Variants in TENM2 observed in about 807,000 individuals in gnomAD.
TENM2 encodes the protein teneurin-2.
A neutral mutation model predicts 245.2 loss-of-function variants in TENM2; 52 were observed. That is an observed-to-expected ratio of 0.21 (90% CI 0.17 to 0.27). The LOEUF (loss-of-function observed/expected upper bound fraction) is 0.27. TENM2 is among the 10% of genes least tolerant of loss of function. The pLI is 1.00. For missense variants in TENM2, 3,046 were observed against 3,666.8 expected (o/e 0.83, Z 4.37); for synonymous variants, 1,363 against 1,438.9 (o/e 0.95, Z 1.19).
chr5:167,649,160 C>T (rs1257871022), intron 2 of TENM2, among the ~76,000 whole-genome samples: 3 of 152,172 alleles, frequency 2.0e-5, no homozygotes, highest in Non-Finnish European at 4.4e-5. Context: ...ATTAATGCTA[C>T]CATGAACTTT....
intron 23 of TENM2, among the ~76,000 whole-genome samples, chr5:168,224,494 C>T (rs1581682297): frequency 6.6e-6 from 1 of 152,362 alleles, no homozygotes; most frequent in East Asian, 1.9e-4. Flanking sequence ...GCCAGGTCTG[C>T]AATTCTTTAT....
intron 14 of TENM2, among the ~76,000 whole-genome samples, chr5:168,192,986 A>G (rs1232218401): frequency 1.3e-5 from 2 of 152,098 alleles, no homozygotes; most frequent in East Asian, 1.9e-4. Flanking sequence ...CTCCTCATCA[A>G]TGGTTACCAC....
the TENM2 span, among the ~76,000 whole-genome samples, chr5:167,250,433 A>G: frequency 3.9e-5 from 6 of 152,176 alleles, no homozygotes; most frequent in African/African-American, 1.4e-4. Context: ...TTTTGAATCT[A>G]TTGGGTAAAA....
At chr5:167,271,612 G>T in the TENM2 span, among the ~76,000 whole-genome samples, 1 of 152,060 alleles carries the variant, frequency 6.6e-6, no homozygotes, top group Non-Finnish European at 1.5e-5. Flanking sequence ...GGCTTTTGTT[G>T]ATTTGGACTG....
At chr5:167,124,330 C>T in the TENM2 span, among the ~76,000 whole-genome samples, 1 of 152,222 alleles carries the variant, frequency 6.6e-6, no homozygotes, top group Admixed American at 6.5e-5. Flanking sequence ...AACTGTGACT[C>T]CCACAGCAAT....
chr5:168,162,510 C>T (rs1757834299), intron 12 of TENM2, 101 bp from the exon 15 acceptor site: 3 of 1,325,606 alleles, frequency 2.3e-6, no homozygotes, highest in Non-Finnish European at 3.1e-6. Flanking sequence ...GAGGCTGGCC[C>T]AGCGGCTGCC....
At chr5:167,419,689 A>C (rs1763376692) in intron 2 of TENM2, among the ~76,000 whole-genome samples, 1 of 152,198 alleles carries the variant, frequency 6.6e-6, no homozygotes, top group Admixed American at 6.5e-5. Flanking sequence ...AGACAGGCCT[A>C]AGTTACAATT....
chr5:167,106,149 T>C, the TENM2 span, among the ~76,000 whole-genome samples: 7 of 152,290 alleles, frequency 4.6e-5, no homozygotes, highest in South Asian at 8.3e-4. Flanking sequence ...CCTGGTACTA[T>C]TCCTGTATTG....
chr5:167,571,762 C>T (rs951010636), intron 2 of TENM2, among the ~76,000 whole-genome samples: 2 of 152,166 alleles, frequency 1.3e-5, no homozygotes, highest in East Asian at 1.9e-4. Context: ...GAAATAGTTG[C>T]GTGCTGAAAT....
the TENM2 span, among the ~76,000 whole-genome samples, chr5:167,279,501 TTTCCTTCCTTCCTTTCCTTCCTTCCTTCC>T: frequency 7.1e-6 from 1 of 140,914 alleles, no homozygotes; most frequent in Admixed American, 7.2e-5. Context: ...TTTCTCTTTC[TTTCCTTCCTTCCTTTCCTTCCTTCCTTCC>T]TTCCTTCCTT....
intron 1 of TENM2, among the ~76,000 whole-genome samples, chr5:167,307,013 G>A (rs953326601): frequency 3.9e-5 from 6 of 152,154 alleles, no homozygotes; most frequent in African/African-American, 1.2e-4. Flanking sequence ...GCACTCCAGT[G>A]GCTGGTGATC....
At chr5:167,396,525 TGTG>T (rs1250225369) in intron 2 of TENM2, among the ~76,000 whole-genome samples, 3 of 152,090 alleles carry the variant, frequency 2.0e-5, no homozygotes, top group Non-Finnish European at 4.4e-5. Flanking sequence ...TAAGAGGTAA[TGTG>T]GTGATAAAAT....
chr5:167,143,503 G>A, the TENM2 span, among the ~76,000 whole-genome samples: 1 of 152,054 alleles, frequency 6.6e-6, no homozygotes. Context: ...CATGTATTGT[G>A]GTGTTATAAG....
At chr5:167,647,789 G>A (rs528529037) in intron 2 of TENM2, among the ~76,000 whole-genome samples, 5 of 152,152 alleles carry the variant, frequency 3.3e-5, no homozygotes, top group Non-Finnish European at 7.3e-5. Flanking sequence ...GGAGGTGCTT[G>A]TAAGTTCAGT....
intron 2 of TENM2, among the ~76,000 whole-genome samples, chr5:167,796,473 A>G (rs1765326405): frequency 6.6e-6 from 1 of 152,104 alleles, no homozygotes; most frequent in African/African-American, 2.4e-5. Context: ...ACCTTCATGT[A>G]CTCAACTCGC....
chr5:167,335,247 C>T (rs902092628), intron 1 of TENM2, among the ~76,000 whole-genome samples: 2 of 152,138 alleles, frequency 1.3e-5, no homozygotes, highest in African/African-American at 4.8e-5. Context: ...AGGTGCCACA[C>T]ATTTTAAAAT....
chr5:167,553,022 G>C, intron 2 of TENM2, among the ~76,000 whole-genome samples: 1 of 152,114 alleles, frequency 6.6e-6, no homozygotes, highest in East Asian at 1.9e-4. Context: ...AATCAAATAG[G>C]CAACCAATAA....
chr5:167,213,474 AG>A, the TENM2 span, among the ~76,000 whole-genome samples: 1 of 152,278 alleles, frequency 6.6e-6, no homozygotes, highest in Middle Eastern at 3.4e-3. Context: ...CTCATGACCC[AG>A]TCACCTCCCA....
At chr5:167,014,320 C>G in the TENM2 span, among the ~76,000 whole-genome samples, 5 of 151,992 alleles carry the variant, frequency 3.3e-5, no homozygotes. Context: ...GTGATCTGCT[C>G]TTAGTCATGA....
Sources: gnomAD v4.1 joint callset for allele counts (sites outside exome capture counted in the v4.1 genomes callset) on GRCh38, gnomAD v4.1.1 for gene constraint, MANE v1.5 for transcripts, NCBI Gene and HGNC (gene_info 2026-07-23, HGNC 2026-07-21) for gene names.